Variants in THSD4 observed in about 807,000 individuals in gnomAD.
The protein encoded by THSD4 is thrombospondin type 1 domain containing 4, also known as thrombospondin type-1 domain-containing protein 4.
A neutral mutation model predicts 119.0 loss-of-function variants in THSD4; 69 were observed. The observed-to-expected ratio is 0.58, with a 90% CI of 0.48 to 0.71. THSD4 has a LOEUF of 0.71. Ranked by LOEUF, THSD4 falls within the 30% of genes least tolerant of loss-of-function variation. The probability of loss-of-function intolerance (pLI) is 0.00; values close to 1 mark genes in which losing one functional copy is unlikely to be tolerated. For missense variants in THSD4, 1,393 were observed against 1,391.1 expected (o/e 1.00, Z -0.02); for synonymous variants, 524 against 540.4 (o/e 0.97, Z 0.42).
At chr15:71,767,336 T>C (rs1308821566) in intron 16 of THSD4, 1 of 152,182 alleles carries the variant, frequency 6.6e-6, no homozygotes, top group East Asian at 1.9e-4. Flanking sequence ...TAAATATGTT[T>C]CTAGTTGGTG....
chr15:71,332,809 C>T (rs1596343054), intron 6 of THSD4, among the ~76,000 whole-genome samples: 2 of 151,698 alleles, frequency 1.3e-5, no homozygotes, highest in African/African-American at 2.4e-5. Context: ...ACAAGCTTGT[C>T]CAACCCGTGT....
intron 7 of THSD4, among the ~76,000 whole-genome samples, chr15:71,578,220 A>G (rs2049492529): frequency 6.6e-6 from 1 of 150,856 alleles, no homozygotes; most frequent in Non-Finnish European, 1.5e-5. Flanking sequence ...GAATATATAT[A>G]TAAACTCTGC....
chr15:71,760,979 G>C (rs1330750618), intron 15 of THSD4, among the ~76,000 whole-genome samples: 1 of 152,088 alleles, frequency 6.6e-6, no homozygotes, highest in Non-Finnish European at 1.5e-5. Context: ...TTTAAGGTAT[G>C]TCTTTCAGGA....
At chr15:71,324,366 T>G (rs189923511) in intron 6 of THSD4, among the ~76,000 whole-genome samples, 23 of 152,288 alleles carry the variant, frequency 1.5e-4, no homozygotes, top group African/African-American at 4.8e-4. Flanking sequence ...CACAGATGAA[T>G]TGTAGAGTGG....
intron 4 of THSD4, among the ~76,000 whole-genome samples, chr15:71,221,203 G>T (rs1182287830): frequency 6.6e-6 from 1 of 152,180 alleles, no homozygotes; most frequent in African/African-American, 2.4e-5. Flanking sequence ...ACTAGAGGGT[G>T]CTGGAAGGAG....
chr15:71,752,612 T>C (rs2053467679), intron 14 of THSD4, among the ~76,000 whole-genome samples: 1 of 152,224 alleles, frequency 6.6e-6, no homozygotes, highest in Admixed American at 6.5e-5. Context: ...TTTGGTATCA[T>C]CTCCATGACC....
rs1328791201 is a variant in THSD4 at position 71,237,188 on chromosome 15, C to T, written c.465-5461C>T. On this transcript the variant is annotated intron_variant, in intron 4 of 17. Coordinates refer to ENST00000261862, the MANE Select transcript of THSD4 (RefSeq NM_024817.3). ...GAGAAGGGGTGGGTGGAAGAGCCAG[C>T]CGTCTTCAGGGGATGGTGGTACTTG... Among the ~76,000 whole-genome samples, 3 of 152,208 alleles carry T rather than the reference C, an allele frequency of 2.0e-5. No individual in the cohort carries two copies. The South Asian group carries it at 6.2e-4, about 32-fold the overall frequency.
chr15:71,650,695 CA>C (rs1367834549), intron 7 of THSD4, among the ~76,000 whole-genome samples: 1 of 152,184 alleles, frequency 6.6e-6, no homozygotes, highest in Admixed American at 6.5e-5. Context: ...TACAACATAG[CA>C]GTAATGTCAG....
At chr15:71,141,669 T>C in intron 2 of THSD4, 113 bp downstream of exon 2, 1 of 1,217,596 alleles carries the variant, frequency 8.2e-7, no homozygotes, top group Non-Finnish European at 1.1e-6. Flanking sequence ...CTGACTGATA[T>C]TTTTGATATA....
chr15:71,278,951 C>G (rs919258259), intron 6 of THSD4, among the ~76,000 whole-genome samples: 2 of 152,148 alleles, frequency 1.3e-5, no homozygotes, highest in African/African-American at 2.4e-5. Flanking sequence ...GGATTTATCC[C>G]AGGAAACAGC....
Position 71,660,514 on chromosome 15 carries a change from T to G in THSD4, c.1153-16T>G, listed in dbSNP as rs769341910. 6.2e-7 allele frequency: 1 copy of G among 1,613,888 alleles called. No homozygotes were observed. The highest frequency in any genetic ancestry group is 1.1e-5 in the South Asian group (1 of 91,074). On this transcript the variant is annotated splice_polypyrimidine_tract_variant and intron_variant, in intron 7 of 17. Coordinates refer to ENST00000261862, the MANE Select transcript of THSD4 (RefSeq NM_024817.3). ...TGATACATACTATGAGTCTTTTGTT[T>G]TCTGTCTTTTTGCAGAGCATTGGCT... is the stretch of plus-strand genomic sequence containing the variant.
intron 2 of THSD4, among the ~76,000 whole-genome samples, chr15:71,154,518 A>G (rs1295232093): frequency 6.6e-6 from 1 of 152,068 alleles, no homozygotes; most frequent in Non-Finnish European, 1.5e-5. Context: ...GCATCCTCTT[A>G]CTCAGTTCTC....
At chr15:71,522,811 G>A (rs1329601423) in intron 7 of THSD4, among the ~76,000 whole-genome samples, 1 of 152,208 alleles carries the variant, frequency 6.6e-6, no homozygotes, top group Non-Finnish European at 1.5e-5. Flanking sequence ...ACCTTGAGAT[G>A]CTATTTAGAG....
intron 7 of THSD4, among the ~76,000 whole-genome samples, chr15:71,647,003 G>A (rs892282499): frequency 1.2e-4 from 19 of 152,250 alleles, no homozygotes; most frequent in African/African-American, 3.6e-4. Context: ...TCACAACCAC[G>A]TGCAGTATAG....
At chr15:71,241,340 C>G (rs1408622238) in intron 4 of THSD4, among the ~76,000 whole-genome samples, 1 of 152,238 alleles carries the variant, frequency 6.6e-6, no homozygotes, top group African/African-American at 2.4e-5. Context: ...CTCCTCAACT[C>G]TAATGCCAGT....
chr15:71,395,944 CACACACACAA>C (rs1474208273), intron 6 of THSD4, among the ~76,000 whole-genome samples: 10 of 149,938 alleles, frequency 6.7e-5, no homozygotes, highest in South Asian at 2.1e-4. Flanking sequence ...CACACACACA[CACACACACAA>C]ACACAGACTT....
At chr15:71,283,063 G>A (rs771737282) in intron 6 of THSD4, among the ~76,000 whole-genome samples, 69 of 149,516 alleles carry the variant, frequency 4.6e-4, no homozygotes, top group African/African-American at 1.5e-3. Flanking sequence ...TCCACCTCCC[G>A]GGTTCAAACG....
chr15:71,646,130 G>A (rs2050964100), intron 7 of THSD4, among the ~76,000 whole-genome samples: 1 of 152,190 alleles, frequency 6.6e-6, no homozygotes, highest in Admixed American at 6.5e-5. Flanking sequence ...TGTGACCTCA[G>A]GCAAGTTACT....
intron 8 of THSD4, among the ~76,000 whole-genome samples, chr15:71,718,148 CAAA>C (rs55879700): frequency 7.1e-4 from 88 of 123,102 alleles, no homozygotes; most frequent in Admixed American, 8.8e-4. Flanking sequence ...GACCCTGTCT[CAAA>C]AAAAAAAAAA....
Sources: allele counts gnomAD v4.1 joint callset (sites outside exome capture counted in the v4.1 genomes callset), GRCh38; gene constraint gnomAD v4.1.1; transcripts MANE v1.5; gene names NCBI Gene and HGNC (gene_info 2026-07-23, HGNC 2026-07-21).